Variants in HRH2 observed in about 807,000 individuals in gnomAD.
HRH2 encodes histamine H2 receptor.
In HRH2, 4 loss-of-function variants were observed where a neutral mutation model predicts 20.1. That is an observed-to-expected ratio of 0.20 (90% CI 0.10 to 0.45). HRH2 has a LOEUF of 0.45. Ranked by LOEUF, HRH2 falls within the 20% of genes least tolerant of loss-of-function variation. HRH2 has a pLI of 0.99. For missense variants in HRH2, 250 were observed against 461.6 expected (o/e 0.54, Z 4.20); for synonymous variants, 197 against 200.7 (o/e 0.98, Z 0.16).
At chr5:175,673,320 A>T (rs1170611375) in intron 1 of HRH2, among the ~76,000 whole-genome samples, 1 of 151,912 alleles carries the variant, frequency 6.6e-6, no homozygotes, top group Non-Finnish European at 1.5e-5. Context: ...TGAAGGAAAG[A>T]TGGGAATCAA....
At chr5:175,684,684 AG>A (rs1756106037) in intron 2 of HRH2, among the ~76,000 whole-genome samples, 1 of 152,206 alleles carries the variant, frequency 6.6e-6, no homozygotes, top group Non-Finnish European at 1.5e-5. Context: ...CAACCCCTCC[AG>A]GATAGCACTC....
In HRH2 at chr5:175,683,164, T is replaced by C. The variant is rs1581435586; in HGVS notation, c.-70T>C. ...GCTTGGAGTCCAGTGGTTGGCATAG[T>C]TGTCACATTGGGAGCAGAGAAGAAG... is the stretch of plus-strand genomic sequence containing the variant. On this transcript the variant is annotated 5_prime_UTR_variant, in exon 2 of 3. Transcript: ENST00000636584. The C allele has an allele frequency of 6.5e-7, 1 of 1,538,156 alleles. No individual in the cohort carries two copies. Among genetic ancestry groups the C allele is most frequent in the South Asian group, 1.2e-5 (1 of 80,788 alleles).
At chr5:175,705,707 G>A (rs1756925834) in intron 2 of HRH2, among the ~76,000 whole-genome samples, 1 of 151,470 alleles carries the variant, frequency 6.6e-6, no homozygotes, top group Non-Finnish European at 1.5e-5. Flanking sequence ...TTGTCCCCCA[G>A]GCTGGAGTGC....
At chr5:175,690,585 AAC>A (rs1271431882) in intron 2 of HRH2, among the ~76,000 whole-genome samples, 1 of 151,984 alleles carries the variant, frequency 6.6e-6, no homozygotes, top group Non-Finnish European at 1.5e-5. Flanking sequence ...ATTTTATTAT[AAC>A]AGTTTTATCA....
At chr5:175,706,135 A>G (rs1191677807) in intron 2 of HRH2, among the ~76,000 whole-genome samples, 2 of 152,228 alleles carry the variant, frequency 1.3e-5, no homozygotes, top group Non-Finnish European at 2.9e-5. Flanking sequence ...AACACGATAG[A>G]TTGTTTAGGG....
chr5:175,702,708 C>T (rs1335176956), intron 2 of HRH2, among the ~76,000 whole-genome samples: 2 of 149,780 alleles, frequency 1.3e-5, no homozygotes, highest in Admixed American at 6.6e-5. Context: ...CCCGCCACCA[C>T]GCCTGGCTAA....
At chr5:175,666,511 C>T (rs947334101) in intron 1 of HRH2, among the ~76,000 whole-genome samples, 1 of 152,192 alleles carries the variant, frequency 6.6e-6, no homozygotes, top group Non-Finnish European at 1.5e-5. Flanking sequence ...ACAGCAGCCT[C>T]GACCTCCCCA....
intron 1 of HRH2, among the ~76,000 whole-genome samples, chr5:175,671,706 A>G (rs1755546254): frequency 6.6e-6 from 1 of 152,230 alleles, no homozygotes; most frequent in Admixed American, 6.5e-5. Context: ...ACATCCGCAA[A>G]TGTAACATTA....
intron 1 of HRH2, among the ~76,000 whole-genome samples, chr5:175,673,041 A>T (rs1755612969): frequency 6.6e-6 from 1 of 152,150 alleles, no homozygotes; most frequent in Non-Finnish European, 1.5e-5. Context: ...GATGCCGATC[A>T]TAAGGGGCCT....
chr5:175,694,141 C>T (rs190536798), intron 2 of HRH2, among the ~76,000 whole-genome samples: 7 of 152,174 alleles, frequency 4.6e-5, no homozygotes, highest in African/African-American at 1.4e-4. Flanking sequence ...TGGAGCTTGG[C>T]GCACACACCT....
intron 1 of HRH2, among the ~76,000 whole-genome samples, chr5:175,672,646 A>C (rs1755590320): frequency 6.6e-6 from 1 of 152,222 alleles, no homozygotes. Context: ...ACTGAGTGTT[A>C]ACAGATCCCC....
intron 1 of HRH2, among the ~76,000 whole-genome samples, chr5:175,676,805 C>T (rs1755775737): frequency 6.6e-6 from 1 of 152,210 alleles, no homozygotes; most frequent in Non-Finnish European, 1.5e-5. Flanking sequence ...TTACCATCCA[C>T]TGCTGAGTGA....
At chr5:175,662,048 A>G (rs1452291339) in intron 1 of HRH2, among the ~76,000 whole-genome samples, 1 of 151,932 alleles carries the variant, frequency 6.6e-6, no homozygotes, top group African/African-American at 2.4e-5. Flanking sequence ...TAAATAAATA[A>G]AAGCCATTGC....
Position 175,683,091 on chromosome 5 carries a change from C to T in HRH2, c.-143C>T. ...ATTGAAGCCTTCCCCACCCCCTGGC[C>T]AAAAAAAAAAAAAAAAAAAAACTGG... On this transcript the variant is annotated 5_prime_UTR_variant, in exon 2 of 3. Coordinates refer to ENST00000636584, the MANE Select transcript of HRH2 (RefSeq NM_001367711.1). 1 of 580,254 alleles carries T rather than the reference C, an allele frequency of 1.7e-6. No homozygotes were observed. Among genetic ancestry groups the T allele is most frequent in the Non-Finnish European group, 2.6e-6 (1 of 385,180 alleles). 35.9% of individuals were successfully genotyped at this position (580,254 alleles called of 1,614,324 possible).
intron 2 of HRH2, among the ~76,000 whole-genome samples, chr5:175,702,590 C>T (rs1323312224): frequency 2.1e-5 from 3 of 144,476 alleles, no homozygotes; most frequent in Admixed American, 6.9e-5. Flanking sequence ...CTCACTCTGC[C>T]GCCCAGGCTG....
intron 1 of HRH2, among the ~76,000 whole-genome samples, chr5:175,676,951 T>G (rs182367738): frequency 4.6e-5 from 7 of 152,366 alleles, no homozygotes; most frequent in Non-Finnish European, 1.0e-4. Context: ...ATTTTGTGTG[T>G]GTCTGTATAC....
intron 2 of HRH2, among the ~76,000 whole-genome samples, chr5:175,706,868 C>A (rs918066753): frequency 5.9e-5 from 9 of 152,228 alleles, no homozygotes; most frequent in Non-Finnish European, 1.0e-4. Flanking sequence ...CGGTTCCCTT[C>A]CCTCTCTCTA....
At chr5:175,701,323 G>A (rs957903013) in intron 2 of HRH2, among the ~76,000 whole-genome samples, 5 of 152,146 alleles carry the variant, frequency 3.3e-5, no homozygotes, top group Admixed American at 6.5e-5. Flanking sequence ...TAACTGCAAG[G>A]AGCAGAAACC....
intron 1 of HRH2, among the ~76,000 whole-genome samples, chr5:175,669,454 G>C (rs993318714): frequency 5.3e-5 from 8 of 149,828 alleles, no homozygotes; most frequent in Non-Finnish European, 1.2e-4. Flanking sequence ...ACCTCCGCCT[G>C]CCAGGTTCAA....
Sources: allele counts gnomAD v4.1 joint callset (sites outside exome capture counted in the v4.1 genomes callset), GRCh38; gene constraint gnomAD v4.1.1; transcripts MANE v1.5; gene names NCBI Gene and HGNC (gene_info 2026-07-23, HGNC 2026-07-21).